Variants in UPRT observed in about 807,000 individuals in gnomAD.
UPRT encodes the protein RP11-311P8.3.
In UPRT, 5 loss-of-function variants were observed where a neutral mutation model predicts 22.6. The ratio of observed to expected loss-of-function variants is 0.22; its 90% CI spans 0.12 to 0.47. The LOEUF is 0.47. Ranked by LOEUF, UPRT falls within the 20% of genes least tolerant of loss-of-function variation. The pLI, the probability that UPRT is intolerant of heterozygous loss-of-function variation, is 0.99. For synonymous variants in UPRT, 77 were observed against 87.7 expected (o/e 0.88, Z 0.68); for missense variants, 181 against 239.9 (o/e 0.75, Z 1.62).
At chrX:75,172,805 G>C (rs1313811807) in intron 4 of UPRT, among the ~76,000 whole-genome samples, 1 of 110,989 alleles carries the variant, frequency 9.0e-6, no homozygotes, top group African/African-American at 3.3e-5. Flanking sequence ...GTCTCGCTGG[G>C]CTCAGGAGTG....
chrX:75,208,566 T>C (rs1310845448), intron 4 of UPRT, among the ~76,000 whole-genome samples: 3 of 110,665 alleles, frequency 2.7e-5, no homozygotes, highest in African/African-American at 6.6e-5. Flanking sequence ...TATGGGAGAG[T>C]AGAGCATATG....
chrX:75,189,222 C>T (rs982483735), intron 4 of UPRT, among the ~76,000 whole-genome samples: 12 of 111,643 alleles, frequency 1.1e-4, no homozygotes, highest in African/African-American at 3.6e-4. Context: ...TTTATTTGTG[C>T]CTTTGTTTTG....
chrX:75,179,812 G>A (rs1159545536), intron 4 of UPRT, among the ~76,000 whole-genome samples: 2 of 112,663 alleles, frequency 1.8e-5, no homozygotes, highest in Admixed American at 1.8e-4. Context: ...GCTGCTCCGA[G>A]CGCGGGGCCC....
chrX:75,286,508 T>G (rs2082681553), intron 1 of UPRT, among the ~76,000 whole-genome samples: 1 of 111,794 alleles, frequency 8.9e-6, no homozygotes, highest in Admixed American at 9.5e-5. Flanking sequence ...TGTTTTTAGG[T>G]GATAAGTCAC....
chrX:75,250,939 A>T (rs1320895064), intron 4 of UPRT, among the ~76,000 whole-genome samples: 8 of 112,036 alleles, frequency 7.1e-5, no homozygotes, highest in African/African-American at 2.6e-4. Flanking sequence ...TCCAGCATAT[A>T]AACGGAACCA....
intron 4 of UPRT, among the ~76,000 whole-genome samples, chrX:75,252,164 T>G (rs1296791942): frequency 8.9e-6 from 1 of 112,194 alleles, no homozygotes; most frequent in Non-Finnish European, 1.9e-5. Flanking sequence ...AAGGACTTCA[T>G]GTCTATAACA....
At position 75,304,204 on chromosome X, in the gene UPRT, G is replaced by C. The variant is rs1312797712; in HGVS notation, c.*693G>C. On this transcript the variant is annotated 3_prime_UTR_variant, in exon 7 of 7. Coordinates refer to ENST00000373383, the MANE Select transcript of UPRT (RefSeq NM_145052.4). ...TAACATTAATTTACAAGATTGAACC[G>C]GGGATGTCTGGATGCTGACAAGGGA... 9.0e-6 allele frequency: 1 copy of C among 111,258 alleles called. No homozygotes were observed. 9.2% of individuals were successfully genotyped at this position (111,258 alleles called of 1,213,427 possible).
chrX:75,248,231 G>A (rs2082514244), intron 4 of UPRT, among the ~76,000 whole-genome samples: 1 of 111,832 alleles, frequency 8.9e-6, no homozygotes, highest in Admixed American at 9.5e-5. Context: ...TTTGACGAGA[G>A]AAGAAGGCTT....
At chrX:75,266,973 C>A (rs891182513) in intron 4 of UPRT, among the ~76,000 whole-genome samples, 2 of 111,300 alleles carry the variant, frequency 1.8e-5, no homozygotes, top group Non-Finnish European at 3.8e-5. Context: ...AATAGGAACA[C>A]TTTTACACTG....
intron 4 of UPRT, among the ~76,000 whole-genome samples, chrX:75,203,051 C>A (rs1000718574): frequency 1.8e-5 from 2 of 111,497 alleles, no homozygotes; most frequent in Non-Finnish European, 3.8e-5. Flanking sequence ...ATTCAAGAGA[C>A]CCATCTCACA....
intron 4 of UPRT, among the ~76,000 whole-genome samples, chrX:75,241,866 A>G (rs145039768): frequency 0.033 from 3,617 of 109,205 alleles, 158 homozygotes; most frequent in African/African-American, 0.11. Flanking sequence ...TGGGAACTAC[A>G]CTATGAGGAT....
At chrX:75,245,726 G>A (rs901069662) in intron 4 of UPRT, among the ~76,000 whole-genome samples, 2 of 111,774 alleles carry the variant, frequency 1.8e-5, no homozygotes, top group African/African-American at 6.5e-5. Context: ...TCACTTATAA[G>A]TGGGAGCTAA....
intron 4 of UPRT, among the ~76,000 whole-genome samples, chrX:75,226,982 G>C (rs781415961): frequency 9.0e-6 from 1 of 110,950 alleles, no homozygotes; most frequent in Non-Finnish European, 1.9e-5. Flanking sequence ...ATAGGGAATA[G>C]AAACAGAAGG....
rs180884609 is a variant in UPRT, at chrX:75,243,200, C to T, written c.-446-47824C>T. Among the ~76,000 whole-genome samples the T allele has an allele frequency of 6.3e-5, 7 of 111,468 alleles. No homozygotes were observed. In the East Asian group the frequency reaches 2.0e-3, roughly 31 times the overall value. ...TTCATTTTTTAAAAAACATGCTATCCATGACCTCTGTAACCATGGAGAAGT... is the reference window on the plus strand; with the variant it reads ...TTCATTTTTTAAAAAACATGCTATCTATGACCTCTGTAACCATGGAGAAGT... On this transcript the variant is annotated intron_variant, in intron 4 of 13. Coordinates refer to the UPRT transcript ENST00000652605.
At chrX:75,218,190 A>G (rs2082399020) in intron 4 of UPRT, among the ~76,000 whole-genome samples, 2 of 111,627 alleles carry the variant, frequency 1.8e-5, no homozygotes, top group Admixed American at 1.9e-4. Context: ...CAAATTTACA[A>G]GAAAAAAACA....
At chrX:75,264,967 G>A (rs1376502830) in intron 4 of UPRT, among the ~76,000 whole-genome samples, 2 of 111,759 alleles carry the variant, frequency 1.8e-5, no homozygotes, top group African/African-American at 6.5e-5. Context: ...ATGAAATTCT[G>A]GGTTGAAAAT....
chrX:75,183,276 G>C (rs2082277283), intron 4 of UPRT, among the ~76,000 whole-genome samples: 1 of 110,931 alleles, frequency 9.0e-6, no homozygotes, highest in African/African-American at 3.3e-5. Context: ...TGTAGTGTTT[G>C]GTTTTCTGTC....
intron 4 of UPRT, among the ~76,000 whole-genome samples, chrX:75,195,283 A>G (rs767899576): frequency 8.9e-5 from 10 of 112,385 alleles, no homozygotes; most frequent in Non-Finnish European, 1.7e-4. Context: ...CTGGGCATCC[A>G]AGGATCCATT....
At chrX:75,288,695 C>T (rs922920399) in intron 1 of UPRT, among the ~76,000 whole-genome samples, 1 of 111,470 alleles carries the variant, frequency 9.0e-6, no homozygotes, top group African/African-American at 3.3e-5. Context: ...AAAATAATAA[C>T]AGCCATATAT....
Sources: gnomAD v4.1 joint callset for allele counts (sites outside exome capture counted in the v4.1 genomes callset) on GRCh38, gnomAD v4.1.1 for gene constraint, MANE v1.5 for transcripts, NCBI Gene and HGNC (gene_info 2026-07-23, HGNC 2026-07-21) for gene names.